Variants in ZCWPW2 observed in about 807,000 individuals in gnomAD.
The protein encoded by ZCWPW2 is zinc finger CW-type PWWP domain protein 2.
ZCWPW2 carries 45 observed loss-of-function variants against 46.6 expected under a neutral mutation model. That is an observed-to-expected ratio of 0.96 (90% CI 0.76 to 1.24). The LOEUF (loss-of-function observed/expected upper bound fraction) is 1.24. Ranked by LOEUF, ZCWPW2 falls within the 50% of genes most tolerant of loss-of-function variation. The pLI is 0.00. For synonymous variants in ZCWPW2, 152 were observed against 137.1 expected (o/e 1.11, Z -0.76); for missense variants, 429 against 403.9 (o/e 1.06, Z -0.53).
intron 1 of ZCWPW2, among the ~76,000 whole-genome samples, chr3:28,382,180 AAG>A (rs1553630823): frequency 7.9e-5 from 12 of 151,748 alleles, no homozygotes; most frequent in Non-Finnish European, 1.6e-4. Flanking sequence ...AAAAAAAAAA[AAG>A]AGAAATTTAT....
chr3:28,401,319 T>C (rs60653447), intron 2 of ZCWPW2, among the ~76,000 whole-genome samples: 192 of 152,262 alleles, frequency 1.3e-3, no homozygotes, highest in African/African-American at 4.5e-3. Flanking sequence ...ACTTAAGAGA[T>C]AAAGAATTGC....
chr3:28,401,879 C>G (rs1695954483), intron 2 of ZCWPW2, among the ~76,000 whole-genome samples: 2 of 151,802 alleles, frequency 1.3e-5, no homozygotes, highest in South Asian at 2.1e-4. Flanking sequence ...ACATAAACGA[C>G]CATAGTGATA....
chr3:28,368,878 A>G (rs944091901), intron 1 of ZCWPW2, among the ~76,000 whole-genome samples: 2 of 151,972 alleles, frequency 1.3e-5, no homozygotes. Context: ...TTTTTTCTCT[A>G]AACTTCTCTT....
At chr3:28,364,102 G>A (rs1317649782) in intron 1 of ZCWPW2, among the ~76,000 whole-genome samples, 1 of 152,094 alleles carries the variant, frequency 6.6e-6, no homozygotes, top group Admixed American at 6.5e-5. Flanking sequence ...CACCAGAATG[G>A]CTAAAATGAA....
chr3:28,524,651 A>C lies in ZCWPW2; in HGVS notation c.1034A>C (p.Lys345Thr), dbSNP rs774459996. The C allele has an allele frequency of 1.3e-6, 2 of 1,574,266 alleles. No homozygotes were observed. Among genetic ancestry groups the C allele is most frequent in the Admixed American group, 1.9e-5 (1 of 53,968 alleles). ...AGECIEDITN[K>T]FKEIDALMSE... ...GAATGTATTGAGGATATAACTAATA[A>C]ATTTAAAGAAATAGATGCTTTGATG... Residue 345 changes from lysine to threonine, a missense_variant, in exon 10 of 10, where the codon AAA (lysine) becomes ACA (threonine). Lys to Thr is a moderately conservative substitution (Grantham distance 78). Transcript: ENST00000383768.
At chr3:28,357,752 T>C (rs1222574234) in intron 1 of ZCWPW2, among the ~76,000 whole-genome samples, 2 of 150,068 alleles carry the variant, frequency 1.3e-5, no homozygotes, top group Non-Finnish European at 3.0e-5. Context: ...CCTCCATAAT[T>C]GCATAGGCCA....
chr3:28,514,144 A>C, intron 7 of ZCWPW2, 22 bp downstream of exon 7: 1 of 1,408,144 alleles, frequency 7.1e-7, no homozygotes, highest in Non-Finnish European at 9.7e-7. Flanking sequence ...GAAATTAAAT[A>C]GTATTATGAT....
At chr3:28,485,046 T>G (rs1699550619) in intron 5 of ZCWPW2, among the ~76,000 whole-genome samples, 1 of 152,102 alleles carries the variant, frequency 6.6e-6, no homozygotes, top group African/African-American at 2.4e-5. Context: ...TGCTATAAAT[T>G]TTCCTCTGAA....
chr3:28,503,547 A>T (rs1700203999), intron 6 of ZCWPW2, among the ~76,000 whole-genome samples: 1 of 152,188 alleles, frequency 6.6e-6, no homozygotes, highest in East Asian at 1.9e-4. Context: ...TATAATATAG[A>T]ATAGGAATTT....
intron 6 of ZCWPW2, among the ~76,000 whole-genome samples, chr3:28,498,703 G>A (rs1443604659): frequency 6.6e-6 from 1 of 151,598 alleles, no homozygotes. Context: ...AGAACGTGCA[G>A]GTTTGTTACA....
At chr3:28,487,833 CT>C (rs903018528) in intron 5 of ZCWPW2, among the ~76,000 whole-genome samples, 1 of 151,824 alleles carries the variant, frequency 6.6e-6, no homozygotes, top group Non-Finnish European at 1.5e-5. Flanking sequence ...TCCAACCCCC[CT>C]TTTTTTTCTT....
intron 4 of ZCWPW2, among the ~76,000 whole-genome samples, chr3:28,456,059 A>C (rs1054824030): frequency 3.3e-5 from 5 of 152,172 alleles, no homozygotes; most frequent in African/African-American, 1.2e-4. Flanking sequence ...CATTGAATCT[A>C]TAACTTACTT....
intron 3 of ZCWPW2, among the ~76,000 whole-genome samples, chr3:28,430,790 C>G (rs1697223415): frequency 6.6e-6 from 1 of 152,066 alleles, no homozygotes; most frequent in South Asian, 2.1e-4. Flanking sequence ...GAGCTTTCCC[C>G]CCTTCACTCA....
At chr3:28,469,453 A>G (rs897298385) in intron 4 of ZCWPW2, among the ~76,000 whole-genome samples, 2 of 152,158 alleles carry the variant, frequency 1.3e-5, no homozygotes, top group South Asian at 2.1e-4. Context: ...ATAAGGTCCA[A>G]TGATCCATTG....
chr3:28,422,143 C>A (rs531887464), intron 3 of ZCWPW2, among the ~76,000 whole-genome samples: 25 of 152,176 alleles, frequency 1.6e-4, no homozygotes, highest in African/African-American at 6.0e-4. Context: ...ACAGCTGCCC[C>A]ACCCTCAATA....
At chr3:28,364,682 T>C (rs921576943) in intron 1 of ZCWPW2, among the ~76,000 whole-genome samples, 1 of 152,118 alleles carries the variant, frequency 6.6e-6, no homozygotes, top group Non-Finnish European at 1.5e-5. Flanking sequence ...TTAGGGTACA[T>C]GTGCACAACA....
intron 4 of ZCWPW2, among the ~76,000 whole-genome samples, chr3:28,436,324 T>A (rs994919867): frequency 6.7e-5 from 2 of 29,864 alleles, no homozygotes; most frequent in Admixed American, 7.1e-4. Context: ...CTTTTTTTTC[T>A]TTTTTTTTTT....
intron 9 of ZCWPW2, among the ~76,000 whole-genome samples, chr3:28,521,442 T>A (rs1485436642): frequency 2.0e-5 from 3 of 152,142 alleles, no homozygotes; most frequent in African/African-American, 7.2e-5. Flanking sequence ...TGCCAATCTT[T>A]ACAGTCAGGA....
intron 5 of ZCWPW2, 95 bp from the exon 6 acceptor site, chr3:28,492,032 T>G: frequency 2.1e-5 from 26 of 1,243,406 alleles, no homozygotes; most frequent in African/African-American, 3.0e-5. Context: ...ACAATAGTAA[T>G]GAGAAAGTAG....
Sources: allele counts gnomAD v4.1 joint callset (sites outside exome capture counted in the v4.1 genomes callset), GRCh38; gene constraint gnomAD v4.1.1; transcripts MANE v1.5; gene names NCBI Gene and HGNC (gene_info 2026-07-23, HGNC 2026-07-21).